Variants in ARHGAP6 observed in about 807,000 individuals in gnomAD.
ARHGAP6 encodes the protein Rho GTPase activating protein 6.
Under a neutral mutation model 55.7 loss-of-function variants are expected in ARHGAP6, and 16 were observed. That is an observed-to-expected ratio of 0.29 (90% CI 0.19 to 0.44). The LOEUF (loss-of-function observed/expected upper bound fraction) is 0.44. ARHGAP6 is among the 20% of genes least tolerant of loss of function. The pLI, the probability that ARHGAP6 is intolerant of heterozygous loss-of-function variation, is 1.00. For missense variants in ARHGAP6, 698 were observed against 808.9 expected, an observed-to-expected ratio of 0.86 and a Z score of 1.66; for synonymous variants, 382 against 360.9, an observed-to-expected ratio of 1.06 and a Z score of -0.66.
intron 1 of ARHGAP6, among the ~76,000 whole-genome samples, chrX:11,307,766 C>T (rs1603052288): frequency 8.9e-6 from 1 of 111,953 alleles, no homozygotes; most frequent in Non-Finnish European, 1.9e-5. Flanking sequence ...GGATTTACTG[C>T]TTTTGTGGCT....
At chrX:11,573,545 ATC>A (rs2051556519) in intron 1 of ARHGAP6, among the ~76,000 whole-genome samples, 1 of 109,297 alleles carries the variant, frequency 9.1e-6, no homozygotes, top group Non-Finnish European at 1.9e-5. Context: ...ATTGATCTAT[ATC>A]TCTGTTTTGG....
rs1312280633 is a variant in ARHGAP6 at position 11,574,342 on chromosome X, C to A, written c.588+89899G>T. Among the ~76,000 whole-genome samples the A allele has an allele frequency of 1.0e-3, 115 of 110,198 alleles. 1 individual carries two copies. Among genetic ancestry groups the A allele is most frequent in the Admixed American group, 2.4e-3 (25 of 10,318 alleles). ...AAATCCTCAATAAAATACTGGCAAA[C>A]CAAATCCAGCAGCACATCAAAAAGC... On this transcript the variant is annotated intron_variant, in intron 1 of 12. Coordinates refer to ENST00000337414, the MANE Select transcript of ARHGAP6 (RefSeq NM_013427.3).
At chrX:11,283,919 A>T (rs1323065507) in intron 1 of ARHGAP6, among the ~76,000 whole-genome samples, 5 of 112,131 alleles carry the variant, frequency 4.5e-5, no homozygotes, top group Non-Finnish European at 9.4e-5. Flanking sequence ...TAAGCGACTA[A>T]GTTTGTGATT....
chrX:11,151,260 C>G (rs918258685), intron 10 of ARHGAP6, among the ~76,000 whole-genome samples: 1 of 99,148 alleles, frequency 1.0e-5, no homozygotes, highest in Non-Finnish European at 2.1e-5. Context: ...GTCTTGCTTT[C>G]TTTTTTTTTT....
At chrX:11,565,218 T>C (rs1388708825) in intron 1 of ARHGAP6, among the ~76,000 whole-genome samples, 1 of 112,125 alleles carries the variant, frequency 8.9e-6, no homozygotes, top group African/African-American at 3.2e-5. Context: ...ACATCTCCAG[T>C]TGCTATTTCT....
intron 1 of ARHGAP6, among the ~76,000 whole-genome samples, chrX:11,329,916 A>G (rs964976158): frequency 8.8e-6 from 1 of 113,059 alleles, no homozygotes; most frequent in South Asian, 3.6e-4. Context: ...AGAAAGGTAG[A>G]GTAACAATAT....
intron 1 of ARHGAP6, among the ~76,000 whole-genome samples, chrX:11,493,086 G>GA (rs1207616593): frequency 2.7e-5 from 3 of 111,917 alleles, no homozygotes; most frequent in African/African-American, 9.7e-5. Flanking sequence ...ACGATGCAGA[G>GA]AAAAAACAAA....
chrX:11,504,894 G>A lies in ARHGAP6; in HGVS notation c.588+159347C>T, dbSNP rs181060427. On this transcript the variant is annotated intron_variant, in intron 1 of 12. Transcript: ENST00000337414. ...ATGGGAAGAGTAAACCCAAAAGTTA[G>A]CATGTCTTCCTTTTTGTACTTCTCC... Among the ~76,000 whole-genome samples, 6 of 112,454 alleles carry A rather than the reference G, an allele frequency of 5.3e-5. No individual in the cohort carries two copies. In the East Asian group the frequency reaches 1.4e-3, roughly 26 times the overall value.
chrX:11,324,517 A>G (rs901204642), intron 1 of ARHGAP6, among the ~76,000 whole-genome samples: 1 of 110,679 alleles, frequency 9.0e-6, no homozygotes, highest in South Asian at 3.9e-4. Flanking sequence ...ATTTTGTGAG[A>G]GTCTCTATGG....
At chrX:11,660,400 G>C (rs1024396131) in intron 1 of ARHGAP6, among the ~76,000 whole-genome samples, 4 of 107,820 alleles carry the variant, frequency 3.7e-5, no homozygotes, top group Non-Finnish European at 7.7e-5. Context: ...GTCTCTACTG[G>C]TGCATGCCTG....
intron 1 of ARHGAP6, among the ~76,000 whole-genome samples, chrX:11,569,711 T>C (rs148221864): frequency 0.086 from 9,578 of 111,211 alleles, 450 homozygotes; most frequent in East Asian, 0.19. Context: ...CTGTAGCATA[T>C]ACTGTTTATA....
In ARHGAP6 at chrX:11,188,902, C is replaced by T. The variant is rs112698173; in HGVS notation, c.903G>A (p.Gln301=). The change falls in exon 4 of 13, where the codon CAG becomes CAA. Residue 301 remains glutamine (Q), a synonymous_variant. Coordinates refer to ENST00000337414, the MANE Select transcript of ARHGAP6 (RefSeq NM_013427.3). ...DRAYKLKQDL[Q]RDEQKDASDF... The stretch of plus-strand genomic sequence containing the variant: ...CAGATGCATCTTTCTGCTCGTCCCT[C>T]TGCAAGTCCTGCTTGAGTTTATAGG... The T allele has an allele frequency of 8.3e-7, 1 of 1,211,445 alleles. No homozygotes were observed.
intron 1 of ARHGAP6, among the ~76,000 whole-genome samples, chrX:11,428,128 C>T (rs911126397): frequency 1.8e-5 from 2 of 112,588 alleles, no homozygotes; most frequent in African/African-American, 6.4e-5. Context: ...GAGAGACTTT[C>T]ACTAACTTTG....
intron 1 of ARHGAP6, among the ~76,000 whole-genome samples, chrX:11,647,186 T>C (rs1221119145): frequency 8.9e-6 from 1 of 112,359 alleles, no homozygotes; most frequent in Non-Finnish European, 1.9e-5. Context: ...AAAACAATCC[T>C]GGCAAGTGAA....
At chrX:11,161,631 T>C (rs2045946650) in intron 9 of ARHGAP6, among the ~76,000 whole-genome samples, 2 of 111,424 alleles carry the variant, frequency 1.8e-5, no homozygotes, top group Admixed American at 1.9e-4. Context: ...TGCAAAGAGA[T>C]CTAGTAATAA....
Position 11,664,615 on chromosome X carries a change from C to T in ARHGAP6, c.214G>A (p.Ala72Thr). The T allele has an allele frequency of 8.5e-7, 1 of 1,171,508 alleles. No homozygotes were observed. The highest frequency in any genetic ancestry group is 1.1e-6 in the Non-Finnish European group (1 of 875,113). The change falls in exon 1 of 13, where the codon GCC becomes ACC. Residue 72 changes from alanine (A) to threonine (T), a missense_variant. Physicochemically the swap from Ala to Thr is moderately conservative, Grantham distance 58 (BLOSUM62 0). Coordinates refer to ENST00000337414, the MANE Select transcript of ARHGAP6 (RefSeq NM_013427.3). ...AGRLYSPSLP[A>T]ESLGPRLASS... is the part of the protein sequence containing the mutation. ...GCCAAGCGAGGGCCGAGACTCTCGG[C>T]TGGGAGTGATGGGGAGTAGAGGCGG...
intron 1 of ARHGAP6, among the ~76,000 whole-genome samples, chrX:11,406,199 G>A (rs2049606557): frequency 9.0e-6 from 1 of 110,816 alleles, no homozygotes. Context: ...ATGCCCAGCC[G>A]AGAATTGTAA....
chrX:11,455,931 T>C (rs765593029), intron 1 of ARHGAP6, among the ~76,000 whole-genome samples: 2 of 112,427 alleles, frequency 1.8e-5, no homozygotes, highest in Admixed American at 1.9e-4. Flanking sequence ...AACCTGTTGT[T>C]ATAATCTGCA....
At chrX:11,324,788 AT>A (rs1275815787) in intron 1 of ARHGAP6, among the ~76,000 whole-genome samples, 1 of 112,076 alleles carries the variant, frequency 8.9e-6, no homozygotes, top group East Asian at 2.8e-4. Context: ...TTATCTTTTC[AT>A]TTAATTTGTC....
Sources: gnomAD v4.1 joint callset for allele counts (sites outside exome capture counted in the v4.1 genomes callset) on GRCh38, gnomAD v4.1.1 for gene constraint, MANE v1.5 for transcripts, NCBI Gene and HGNC (gene_info 2026-07-23, HGNC 2026-07-21) for gene names.